The following CPLX1 variants were observed in gnomAD, a reference collection of about 807,000 sequenced individuals.
The protein encoded by CPLX1 is complexin 1.
In CPLX1, 6 loss-of-function variants were observed where a neutral mutation model predicts 15.6. That is an observed-to-expected ratio of 0.39 (90% CI 0.21 to 0.76). The LOEUF (loss-of-function observed/expected upper bound fraction) is 0.76, where lower values mean the gene tolerates loss of function less well. CPLX1 is among the 30% of genes least tolerant of loss of function. The probability of loss-of-function intolerance (pLI) is 0.43; values close to 1 mark genes in which losing one functional copy is unlikely to be tolerated. For missense variants in CPLX1, 242 were observed against 188.6 expected, an observed-to-expected ratio of 1.28 and a Z score of -1.66; for synonymous variants, 91 against 75.2, an observed-to-expected ratio of 1.21 and a Z score of -1.08.
Position 785,702 on chromosome 4 carries a change from G to A in CPLX1, c.*799C>T, listed in dbSNP as rs1014901430. On this transcript the variant is annotated 3_prime_UTR_variant, in exon 4 of 4. Transcript: ENST00000304062. Reference sequence around the variant, plus strand: ...AGGGTCTCCAGCGTCCGGTGCCTCGGGCCTCTGCGGCTCCTGTGGAGGGTG... The same window carrying A: ...AGGGTCTCCAGCGTCCGGTGCCTCGAGCCTCTGCGGCTCCTGTGGAGGGTG... 6.6e-6 allele frequency: 1 copy of A among 152,350 alleles called. No individual in the cohort carries two copies. The allele number at this position is 152,350 out of a possible 1,614,324, so 9.4% of individuals were successfully genotyped here.
intron 3 of CPLX1, chr4:788,093 C>T (rs1746056667): frequency 2.0e-6 from 2 of 985,444 alleles, no homozygotes; most frequent in Non-Finnish European, 2.4e-6. Flanking sequence ...ACCGCGGGAT[C>T]ACCAGCCACA....
chr4:825,783 G>A (rs1383156347), intron 1 of CPLX1, among the ~76,000 whole-genome samples: 1 of 150,556 alleles, frequency 6.6e-6, no homozygotes, highest in Non-Finnish European at 1.5e-5. Flanking sequence ...AGAAGCCGGG[G>A]TCGGGGGGAG....
intron 3 of CPLX1, among the ~76,000 whole-genome samples, chr4:791,466 G>T (rs935682674): frequency 1.3e-5 from 2 of 152,152 alleles, no homozygotes; most frequent in African/African-American, 4.8e-5. Flanking sequence ...TGCCCTCCCA[G>T]CTCCACCTCT....
At chr4:793,608 C>T (rs1746247622) in intron 2 of CPLX1, among the ~76,000 whole-genome samples, 3 of 152,232 alleles carry the variant, frequency 2.0e-5, no homozygotes, top group South Asian at 4.1e-4. Context: ...CTTGGCAGAG[C>T]GGCCAGGCTC....
At chr4:803,012 G>A (rs1055795466) in intron 2 of CPLX1, among the ~76,000 whole-genome samples, 1 of 152,190 alleles carries the variant, frequency 6.6e-6, no homozygotes, top group Non-Finnish European at 1.5e-5. Context: ...CTGAACTTAG[G>A]GTCCAGGGCT....
intron 3 of CPLX1, among the ~76,000 whole-genome samples, chr4:790,890 G>GTC (rs1236875660): frequency 6.6e-6 from 1 of 151,608 alleles, no homozygotes; most frequent in African/African-American, 2.4e-5. Flanking sequence ...CTCTGTGCCT[G>GTC]TCTCTCCTCT....
chr4:822,381 G>GTCTCCCTCTATTTCTGTCTCCGTC (rs1746888177), intron 2 of CPLX1, among the ~76,000 whole-genome samples: 1 of 146,048 alleles, frequency 6.8e-6, no homozygotes, highest in African/African-American at 2.6e-5. Flanking sequence ...CTGTCTCTGT[G>GTCTCCCTCTATTTCTGTCTCCGTC]TCTCCCTCTA....
chr4:795,349 C>T (rs1746300932), intron 2 of CPLX1, among the ~76,000 whole-genome samples: 1 of 152,192 alleles, frequency 6.6e-6, no homozygotes, highest in Non-Finnish European at 1.5e-5. Flanking sequence ...CGGCCTCGAC[C>T]TCGACACCCC....
At chr4:805,280 G>A (rs1193353817) in intron 2 of CPLX1, among the ~76,000 whole-genome samples, 1 of 152,230 alleles carries the variant, frequency 6.6e-6, no homozygotes, top group Non-Finnish European at 1.5e-5. Context: ...AAGATAGAAG[G>A]AGGATCGGAG....
At chr4:788,062 C>A (rs549842217) in intron 3 of CPLX1, 14 of 985,318 alleles carry the variant, frequency 1.4e-5, no homozygotes, top group Non-Finnish European at 1.7e-5. Flanking sequence ...GGCACCAGCA[C>A]TCTACAGGAC....
chr4:788,219 A>G, intron 3 of CPLX1: 1 of 985,100 alleles, frequency 1.0e-6, no homozygotes, highest in Non-Finnish European at 1.2e-6. Flanking sequence ...CACCCCCTGG[A>G]TCTCCAAGGA....
intron 2 of CPLX1, among the ~76,000 whole-genome samples, chr4:812,514 C>T (rs758846026): frequency 4.6e-5 from 7 of 152,098 alleles, no homozygotes; most frequent in Non-Finnish European, 1.0e-4. Context: ...AATCAAAGGG[C>T]GTCCATCAGA....
intron 2 of CPLX1, among the ~76,000 whole-genome samples, chr4:793,695 C>T (rs1000920289): frequency 2.0e-5 from 3 of 152,286 alleles, no homozygotes; most frequent in Admixed American, 2.0e-4. Flanking sequence ...GGACTCTGGC[C>T]ACACGTTGCC....
intron 3 of CPLX1, among the ~76,000 whole-genome samples, chr4:790,290 C>A (rs957952440): frequency 6.6e-6 from 1 of 152,206 alleles, no homozygotes; most frequent in Non-Finnish European, 1.5e-5. Flanking sequence ...ATCCCTGCCA[C>A]CTGCTGTTCT....
intron 1 of CPLX1, among the ~76,000 whole-genome samples, chr4:825,639 G>C (rs917234251): frequency 1.3e-5 from 2 of 151,814 alleles, no homozygotes; most frequent in African/African-American, 4.8e-5. Context: ...GGGGAGCCTC[G>C]AGACAGGAAG....
intron 2 of CPLX1, among the ~76,000 whole-genome samples, chr4:824,148 T>C (rs1746926004): frequency 6.6e-6 from 1 of 152,320 alleles, no homozygotes; most frequent in Admixed American, 6.5e-5. Flanking sequence ...CCAGTTAGAA[T>C]TGGCCCTGTA....
intron 2 of CPLX1, among the ~76,000 whole-genome samples, chr4:815,583 C>T (rs1177096565): frequency 2.0e-5 from 3 of 152,152 alleles, no homozygotes; most frequent in Non-Finnish European, 2.9e-5. Context: ...GAGGTTAACA[C>T]GTGGCATCTG....
chr4:818,159 T>A (rs996451094), intron 2 of CPLX1, among the ~76,000 whole-genome samples: 3 of 152,218 alleles, frequency 2.0e-5, no homozygotes, highest in Admixed American at 6.5e-5. Flanking sequence ...GAGGCCCCAG[T>A]GCAGCTGAGC....
intron 3 of CPLX1, chr4:787,539 G>C (rs544531461): frequency 4.3e-4 from 271 of 628,222 alleles, no homozygotes; most frequent in Non-Finnish European, 5.1e-4. Context: ...CCTTGTAAGA[G>C]ACAGAAAGGA....
Sources: gnomAD v4.1 joint callset for allele counts (sites outside exome capture counted in the v4.1 genomes callset) on GRCh38, gnomAD v4.1.1 for gene constraint, MANE v1.5 for transcripts, NCBI Gene and HGNC (gene_info 2026-07-23, HGNC 2026-07-21) for gene names.